Variants in PCDH11Y observed in about 807,000 individuals in gnomAD.
PCDH11Y encodes the protein protocadherin-11 Y-linked.
For missense variants in PCDH11Y, 12 were observed against 224.8 expected (o/e 0.05, Z 6.05); for synonymous variants, 9 against 83.6 (o/e 0.11, Z 4.87).
At chrY:5,413,697 A>C in intron 2 of PCDH11Y, among the ~76,000 whole-genome samples, 1 of 33,048 alleles carries the variant, frequency 3.0e-5, no homozygotes, top group African/African-American at 1.2e-4. Context: ...CATATCTGGT[A>C]GAAACTCACT....
At chrY:5,738,291 A>G (rs2053613333) in exon 5 of PCDH11Y, 1 of 74,572 alleles carries the variant, frequency 1.3e-5, no homozygotes, top group Non-Finnish European at 2.8e-5. Context: ...GTGTGGAACC[A>G]GTATGTAGCA....
At chrY:5,296,538 G>T in intron 2 of PCDH11Y, among the ~76,000 whole-genome samples, 1 of 32,592 alleles carries the variant, frequency 3.1e-5, no homozygotes. Flanking sequence ...TAGAGCCAGG[G>T]ATTATTCTAT....
intron 2 of PCDH11Y, among the ~76,000 whole-genome samples, chrY:5,244,331 G>A: frequency 3.0e-5 from 1 of 33,770 alleles, no homozygotes; most frequent in Admixed American, 2.7e-4. Flanking sequence ...ATCTCAGTGG[G>A]GCAGGGCCAA....
chrY:5,229,307 CTTTTTTTTTTTTTT>C (rs34481930), intron 2 of PCDH11Y, among the ~76,000 whole-genome samples: 1 of 15,656 alleles, frequency 6.4e-5, no homozygotes, highest in Non-Finnish European at 1.4e-4. Flanking sequence ...CTACGTGTGC[CTTTTTTTTTTTTTT>C]TTTTTTTTTT....
intron 1 of PCDH11Y, among the ~76,000 whole-genome samples, chrY:5,067,779 G>A (rs1602855444): frequency 2.5e-3 from 78 of 31,630 alleles, no homozygotes; most frequent in Admixed American, 0.023. Flanking sequence ...TTCGGAGGCC[G>A]AGGCGGGCGG....
chrY:5,043,386 T>C (rs2052619601), intron 3 of PCDH11Y, among the ~76,000 whole-genome samples: 2 of 33,473 alleles, frequency 6.0e-5, no homozygotes, highest in African/African-American at 1.2e-4. Flanking sequence ...TTTTTGTCTT[T>C]GGATCTGTTT....
At chrY:5,700,489 A>C in intron 4 of PCDH11Y, among the ~76,000 whole-genome samples, 1 of 32,739 alleles carries the variant, frequency 3.1e-5, no homozygotes, top group Non-Finnish European at 7.5e-5. Context: ...CTCTCATGCT[A>C]GTGAATAAGT....
intron 4 of PCDH11Y, among the ~76,000 whole-genome samples, chrY:5,599,082 G>C: frequency 6.2e-5 from 2 of 32,294 alleles, no homozygotes; most frequent in South Asian, 1.4e-3. Flanking sequence ...ATACAGAACA[G>C]AGTATAGAGA....
chrY:5,579,095 T>C, intron 3 of PCDH11Y, among the ~76,000 whole-genome samples: 1 of 33,293 alleles, frequency 3.0e-5, no homozygotes, highest in African/African-American at 1.2e-4. Context: ...CATCATCTAG[T>C]TATTTGGAAT....
At chrY:5,195,602 C>G (rs2124648972) in intron 2 of PCDH11Y, among the ~76,000 whole-genome samples, 1 of 33,293 alleles carries the variant, frequency 3.0e-5, no homozygotes, top group Admixed American at 2.7e-4. Context: ...CTGCTCTTTA[C>G]TTATTTTCAC....
At chrY:5,490,589 G>A in intron 2 of PCDH11Y, among the ~76,000 whole-genome samples, 1 of 34,367 alleles carries the variant, frequency 2.9e-5, no homozygotes, top group Non-Finnish European at 7.3e-5. Context: ...GCTGTCTGGA[G>A]TGGCCACTGC....
At chrY:5,015,020 C>T in intron 1 of PCDH11Y, among the ~76,000 whole-genome samples, 1 of 33,317 alleles carries the variant, frequency 3.0e-5, no homozygotes, top group African/African-American at 1.2e-4. Context: ...AATTAGTAGA[C>T]TTAAAAATAT....
intron 2 of PCDH11Y, among the ~76,000 whole-genome samples, chrY:5,264,348 G>A (rs2053023278): frequency 3.0e-5 from 1 of 33,396 alleles, no homozygotes; most frequent in South Asian, 6.7e-4. Context: ...GAAGCAGTAG[G>A]AGTCTTTCAT....
chrY:5,465,043 T>C, intron 2 of PCDH11Y, among the ~76,000 whole-genome samples: 1 of 33,688 alleles, frequency 3.0e-5, no homozygotes, highest in African/African-American at 1.2e-4. Flanking sequence ...ATTTGTGCAC[T>C]GATAGACAAT....
At chrY:5,286,431 T>A (rs2124661346) in intron 2 of PCDH11Y, among the ~76,000 whole-genome samples, 16 of 33,610 alleles carry the variant, frequency 4.8e-4, no homozygotes, top group Middle Eastern at 0.014. Context: ...TGCTGAAGAA[T>A]GTCATTGGTA....
intron 3 of PCDH11Y, among the ~76,000 whole-genome samples, chrY:5,529,397 A>G: frequency 3.1e-5 from 1 of 32,695 alleles, no homozygotes; most frequent in Non-Finnish European, 7.6e-5. Flanking sequence ...AAGAATGAGT[A>G]AGACCTACTA....
At chrY:5,702,272 T>G in intron 4 of PCDH11Y, among the ~76,000 whole-genome samples, 1 of 31,092 alleles carries the variant, frequency 3.2e-5, no homozygotes, top group African/African-American at 1.3e-4. Flanking sequence ...CAAGCGATTC[T>G]CCTGCCTCAG....
chrY:5,353,473 A>G, intron 2 of PCDH11Y, among the ~76,000 whole-genome samples: 1 of 32,902 alleles, frequency 3.0e-5, no homozygotes, highest in Non-Finnish European at 7.4e-5. Flanking sequence ...GATATAATTA[A>G]TATTATAGCA....
intron 2 of PCDH11Y, among the ~76,000 whole-genome samples, chrY:5,373,745 TACACAC>T (rs369088178): frequency 4.2e-4 from 10 of 23,700 alleles, no homozygotes; most frequent in South Asian, 9.7e-4. Context: ...TGTGTATATA[TACACAC>T]ACACACACAC....
Sources: gnomAD v4.1 joint callset for allele counts (sites outside exome capture counted in the v4.1 genomes callset) on GRCh38, gnomAD v4.1.1 for gene constraint, MANE v1.5 for transcripts, NCBI Gene and HGNC (gene_info 2026-07-23, HGNC 2026-07-21) for gene names.